SCTR: variants seen among roughly 807,000 people sequenced by gnomAD.
The protein encoded by SCTR is pancreatic secretin receptor.
SCTR carries 56 observed loss-of-function variants against 60.8 expected under a neutral mutation model. The observed-to-expected ratio is 0.92, with a 90% CI of 0.74 to 1.15. SCTR has a LOEUF of 1.15. Ranked by LOEUF, SCTR falls within the 50% of genes most tolerant of loss-of-function variation. The pLI is 0.00. For synonymous variants in SCTR, 202 were observed against 217.0 expected, an observed-to-expected ratio of 0.93 and a Z score of 0.61; for missense variants, 562 against 550.4, an observed-to-expected ratio of 1.02 and a Z score of -0.21.
intron 3 of SCTR, among the ~76,000 whole-genome samples, chr2:119,475,267 A>G (rs985695410): frequency 1.3e-5 from 2 of 152,196 alleles, no homozygotes; most frequent in African/African-American, 4.8e-5. Context: ...AAAGCAAGTT[A>G]AGGGAACACA....
intron 1 of SCTR, among the ~76,000 whole-genome samples, chr2:119,507,073 T>C (rs962374006): frequency 6.6e-6 from 1 of 152,234 alleles, no homozygotes; most frequent in African/African-American, 2.4e-5. Flanking sequence ...AATTTACAAC[T>C]ATTTCAAAAT....
chr2:119,501,259 A>C (rs112759611), intron 1 of SCTR, among the ~76,000 whole-genome samples: 92 of 152,188 alleles, frequency 6.0e-4, no homozygotes, highest in African/African-American at 2.2e-3. Flanking sequence ...AAATACAAAA[A>C]ATTAGCCAGG....
Position 119,441,562 on chromosome 2 carries a change from C to G in SCTR, c.1178G>C (p.Gly393Ala), listed in dbSNP as rs772978323. 1 of 1,612,732 alleles carries G rather than the reference C, an allele frequency of 6.2e-7. No homozygotes were observed. Among genetic ancestry groups the G allele is most frequent in the South Asian group, 1.1e-5 (1 of 90,682 alleles). The change falls in exon 12 of 13, where the codon GGG becomes GCG. Residue 393 changes from glycine to alanine, a missense_variant. Transcript: ENST00000019103. ...GGGTGACCCAAGACTACTCACCTCC[C>G]CATTGAGGAAGCAGTAGAGGACGGC... ...VVAVLYCFLN[G>A]EVQLEVQKKW...
chr2:119,447,716 C>A (rs952474999), intron 10 of SCTR, among the ~76,000 whole-genome samples: 4 of 152,126 alleles, frequency 2.6e-5, no homozygotes, highest in Non-Finnish European at 4.4e-5. Context: ...AGATTACAGG[C>A]GCCCTCCACC....
rs1301862156 is a variant in SCTR at position 119,446,880 on chromosome 2, A to T, written c.1019T>A (p.Leu340Gln). The change falls in exon 11 of 13, where the codon CTG becomes CAG. Residue 340 changes from leucine (L) to glutamine (Q), a missense_variant. Transcript: ENST00000019103. ...GATCAGCAGGAGAGTGGACCTGGCCAGGCGCCTGGGGACACAGAAAGCCTG... is the reference window on the plus strand; with the variant it reads ...GATCAGCAGGAGAGTGGACCTGGCCTGGCGCCTGGGGACACAGAAAGCCTG... ...RGNEVSHYKR[L>Q]ARSTLLLIPL... The T allele has an allele frequency of 6.5e-7, 1 of 1,530,974 alleles. No homozygotes were observed. The highest frequency in any genetic ancestry group is 2.0e-5 in the Admixed American group (1 of 50,266). The allele number at this position is 1,530,974 out of a possible 1,614,324, so 94.8% of individuals were successfully genotyped here. A position where few individuals can be genotyped will look rare whatever the true frequency, so the allele number is the denominator to read the frequency against.
chr2:119,453,392 A>G, intron 7 of SCTR, 45 bp from the exon 8 acceptor site: 1 of 1,432,310 alleles, frequency 7.0e-7, no homozygotes, highest in Non-Finnish European at 9.8e-7. Flanking sequence ...AGAGGACTCA[A>G]TTTTCAACAC....
intron 2 of SCTR, among the ~76,000 whole-genome samples, chr2:119,491,834 A>C (rs1678145005): frequency 1.3e-5 from 2 of 152,180 alleles, no homozygotes; most frequent in South Asian, 4.1e-4. Context: ...CACTTGATCC[A>C]TGTCTCCCTC....
intron 5 of SCTR, 106 bp downstream of exon 5, chr2:119,465,683 G>A: frequency 5.3e-6 from 4 of 760,036 alleles, no homozygotes; most frequent in Non-Finnish European, 9.4e-6. Context: ...AGACGACAAG[G>A]TAGTTCACTC....
intron 1 of SCTR, among the ~76,000 whole-genome samples, chr2:119,520,047 AAG>A (rs1414181530): frequency 2.0e-5 from 3 of 152,110 alleles, no homozygotes; most frequent in African/African-American, 4.8e-5. Context: ...GGTAGAAAAT[AAG>A]AGTCAATTAA....
At chr2:119,452,261 G>C (rs1333656598) in intron 8 of SCTR, among the ~76,000 whole-genome samples, 182 bp from the exon 9 acceptor site, 2 of 152,218 alleles carry the variant, frequency 1.3e-5, no homozygotes, top group Non-Finnish European at 2.9e-5. Context: ...GAGCACTGCT[G>C]GGGCTGAGGG....
chr2:119,507,659 C>T (rs570676246), intron 1 of SCTR, among the ~76,000 whole-genome samples: 8 of 141,074 alleles, frequency 5.7e-5, no homozygotes, highest in South Asian at 4.8e-4. Flanking sequence ...TCCTCTTTCT[C>T]GTTCTTTTTT....
At chr2:119,476,660 C>A (rs182847230) in intron 3 of SCTR, 84 of 152,396 alleles carry the variant, frequency 5.5e-4, no homozygotes, top group Non-Finnish European at 7.3e-5. Flanking sequence ...CCAGCTCCGC[C>A]TATCCCCTCT....
intron 2 of SCTR, among the ~76,000 whole-genome samples, chr2:119,493,525 T>C (rs2104898447): frequency 6.6e-6 from 1 of 152,310 alleles, no homozygotes; most frequent in South Asian, 2.1e-4. Flanking sequence ...AAGTGTTGAT[T>C]AATAATAATA....
At chr2:119,474,380 G>T (rs1425468654) in intron 3 of SCTR, among the ~76,000 whole-genome samples, 1 of 152,194 alleles carries the variant, frequency 6.6e-6, no homozygotes, top group Admixed American at 6.5e-5. Flanking sequence ...CCCAGCCTGC[G>T]GAAGGGAGCC....
intron 6 of SCTR, among the ~76,000 whole-genome samples, chr2:119,462,824 C>T (rs979658810): frequency 1.3e-5 from 2 of 152,210 alleles, no homozygotes; most frequent in African/African-American, 4.8e-5. Context: ...GCCTTATGGC[C>T]TTCCCAGAGG....
chr2:119,486,532 T>A (rs1472747778), intron 2 of SCTR: 1 of 152,222 alleles, frequency 6.6e-6, no homozygotes, highest in Non-Finnish European at 1.5e-5. Context: ...AAGGATTAAT[T>A]GCCAGCAGCA....
chr2:119,442,835 G>A (rs535689134), intron 11 of SCTR, among the ~76,000 whole-genome samples: 117 of 152,262 alleles, frequency 7.7e-4, no homozygotes, highest in Non-Finnish European at 4.7e-4. Flanking sequence ...ATCATGGTCC[G>A]GGAACTACTG....
At chr2:119,507,641 A>T (rs1573919357) in intron 1 of SCTR, among the ~76,000 whole-genome samples, 1 of 141,992 alleles carries the variant, frequency 7.0e-6, no homozygotes, top group East Asian at 2.1e-4. Flanking sequence ...GAAAGTCCGC[A>T]TTCCATTTCC....
At chr2:119,479,811 T>C (rs555592088) in intron 2 of SCTR, 1 of 152,376 alleles carries the variant, frequency 6.6e-6, no homozygotes, top group South Asian at 2.1e-4. Context: ...CATTTGAAGC[T>C]GGTTTCCTCT....
Sources: gnomAD v4.1 joint callset for allele counts (sites outside exome capture counted in the v4.1 genomes callset) on GRCh38, gnomAD v4.1.1 for gene constraint, MANE v1.5 for transcripts, NCBI Gene and HGNC (gene_info 2026-07-23, HGNC 2026-07-21) for gene names.